Variants in PITPNA observed in about 807,000 individuals in gnomAD.
The protein encoded by PITPNA is phosphatidylinositol transfer protein alpha isoform.
Under a neutral mutation model 50.3 loss-of-function variants are expected in PITPNA, and 13 were observed. That is an observed-to-expected ratio of 0.26 (90% confidence interval 0.17 to 0.41). The LOEUF is 0.41. PITPNA is among the 10% of genes least tolerant of loss of function. PITPNA has a pLI of 1.00. For synonymous variants in PITPNA, 120 were observed against 119.6 expected, an observed-to-expected ratio of 1.00 and a Z score of -0.02; for missense variants, 207 against 333.4, an observed-to-expected ratio of 0.62 and a Z score of 2.95.
intron 10 of PITPNA, among the ~76,000 whole-genome samples, chr17:1,529,028 C>T (rs1434298054): frequency 3.3e-5 from 5 of 150,822 alleles, no homozygotes; most frequent in African/African-American, 7.3e-5. Flanking sequence ...ATCCCAGCTA[C>T]TTGGGAGGCT....
intron 10 of PITPNA, among the ~76,000 whole-genome samples, chr17:1,532,458 A>G (rs187133528): frequency 6.6e-6 from 1 of 152,194 alleles, no homozygotes; most frequent in Non-Finnish European, 1.5e-5. Flanking sequence ...CAAAGTTTGG[A>G]TCTGAACAAA....
chr17:1,557,285 G>C (rs2075740033), intron 2 of PITPNA, among the ~76,000 whole-genome samples: 1 of 152,208 alleles, frequency 6.6e-6, no homozygotes. Context: ...CCCTCTCGGG[G>C]GCCAACAAGC....
At position 1,518,032 on chromosome 17, in the gene PITPNA, C is replaced by T. The variant is rs2075477231; in HGVS notation, c.*2529G>A. ...TAGACTGCTTTTTTTCTCAATATAC[C>T]TGTATTGGAAGATTGAGACAAAAAG... On this transcript the variant is annotated 3_prime_UTR_variant, in exon 12 of 12. Transcript: ENST00000313486. 6.6e-6 allele frequency: 1 copy of T among 152,530 alleles called. No individual in the cohort carries two copies. The highest frequency in any genetic ancestry group is 1.5e-5 in the Non-Finnish European group (1 of 68,024). The allele number at this position is 152,530 out of a possible 1,614,324, so 9.4% of individuals were successfully genotyped here.
chr17:1,558,702 C>G, intron 1 of PITPNA, 143 bp from the exon 2 acceptor site: 1 of 639,440 alleles, frequency 1.6e-6, no homozygotes, highest in Non-Finnish European at 2.9e-6. Context: ...GAGAATGGCC[C>G]TTTGAGTGCT....
At chr17:1,540,531 G>A (rs1268409726) in intron 6 of PITPNA, among the ~76,000 whole-genome samples, 2 of 151,820 alleles carry the variant, frequency 1.3e-5, no homozygotes, top group African/African-American at 4.8e-5. Flanking sequence ...CTGCAAGGAT[G>A]TCACTATTTG....
At position 1,549,894 on chromosome 17, in the gene PITPNA, C is replaced by T. The variant is rs190699844; in HGVS notation, c.198-1507G>A. Among the ~76,000 whole-genome samples the T allele has an allele frequency of 5.5e-3, 833 of 152,144 alleles. 5 individuals are homozygous for T. Among genetic ancestry groups the T allele is most frequent in the Non-Finnish European group, 8.8e-3 (596 of 67,998 alleles). On this transcript the variant is annotated intron_variant, in intron 3 of 11. Transcript: ENST00000313486. ...TTTGTCATGTAGGCCAGGCTGGTCT[C>T]GAACTCCTGACCTCGGGCAATCTGC...
At chr17:1,560,883 G>A (rs889591945) in intron 1 of PITPNA, among the ~76,000 whole-genome samples, 5 of 152,312 alleles carry the variant, frequency 3.3e-5, no homozygotes, top group South Asian at 2.1e-4. Context: ...TAGCTGGGAT[G>A]ACATGTGGGT....
intron 10 of PITPNA, among the ~76,000 whole-genome samples, chr17:1,528,779 A>G (rs1232441257): frequency 1.3e-5 from 2 of 151,896 alleles, no homozygotes; most frequent in Non-Finnish European, 2.9e-5. Context: ...TACTTCCATA[A>G]TTGGGGATGT....
chr17:1,538,945 T>C lies in PITPNA; in HGVS notation c.380A>G (p.Lys127Arg). Residue 127 changes from lysine (K) to arginine (R), a missense_variant, in exon 7 of 12, where the codon AAG (lysine) becomes AGG (arginine). Physicochemically the swap from Lys to Arg is conservative, Grantham distance 26. Transcript: ENST00000313486. ...GTGTTTCCACGCCTCAGGCTCCAGC[T>C]TATGCACCTGTGGGAACAAGTGGGG... ...PDLGTQENVH[K>R]LEPEAWKHVE... 5 of 1,612,608 alleles carry C rather than the reference T, an allele frequency of 3.1e-6. No individual in the cohort carries two copies. The highest frequency in any genetic ancestry group is 4.2e-6 in the Non-Finnish European group (5 of 1,178,670).
At chr17:1,527,117 C>A (rs1388459108) in intron 10 of PITPNA, among the ~76,000 whole-genome samples, 1 of 152,080 alleles carries the variant, frequency 6.6e-6, no homozygotes, top group Admixed American at 6.6e-5. Flanking sequence ...GGGGCCTACA[C>A]GACATGAGAG....
At chr17:1,525,004 T>G (rs1273842364) in intron 10 of PITPNA, among the ~76,000 whole-genome samples, 4 of 151,912 alleles carry the variant, frequency 2.6e-5, no homozygotes, top group Non-Finnish European at 1.5e-5. Context: ...TTATTATTGT[T>G]TTTGAGACAG....
rs370896431 is a variant in PITPNA at position 1,562,038 on chromosome 17, G to A, written c.20+503C>T. ...AGCCCGCGCCCTCGGCCCGCGCAGAGCGACCCCACAGCACTCCCAGCGCTC... is the reference window on the plus strand; with the variant it reads ...AGCCCGCGCCCTCGGCCCGCGCAGAACGACCCCACAGCACTCCCAGCGCTC... On this transcript the variant is annotated intron_variant, in intron 1 of 11. Coordinates refer to ENST00000313486, the MANE Select transcript of PITPNA (RefSeq NM_006224.4). This position sits in a 1 kb window ranked among gnomAD's most constrained non-coding sequence, Gnocchi z 6.4. Among the ~76,000 whole-genome samples, 1 of 151,952 alleles carries A rather than the reference G, an allele frequency of 6.6e-6. No homozygotes were observed.
rs1293786152 is a variant in PITPNA at position 1,562,079 on chromosome 17, T to C, written c.20+462A>G. 6.6e-6 allele frequency among the ~76,000 whole-genome samples: 1 copy of C among 151,528 alleles called. No individual in the cohort carries two copies. The highest frequency in any genetic ancestry group is 1.5e-5 in the Non-Finnish European group (1 of 67,872). On this transcript the variant is annotated intron_variant, in intron 1 of 11. Coordinates refer to ENST00000313486, the MANE Select transcript of PITPNA (RefSeq NM_006224.4). The surrounding 1 kb of genome is among the most constrained non-coding windows in gnomAD (Gnocchi z 6.4). ...CCCAGCGCTCGGCGTCCCCTCGGCC[T>C]CCCCCAGTCCCGGGCCAGCTCTCCC...
In PITPNA at chr17:1,562,045, C is replaced by T. The variant is rs2075771172; in HGVS notation, c.20+496G>A. Among the ~76,000 whole-genome samples the T allele has an allele frequency of 6.6e-6, 1 of 152,232 alleles. No individual in the cohort carries two copies. The highest frequency in any genetic ancestry group is 2.1e-4 in the South Asian group (1 of 4,824). ...GCCCTCGGCCCGCGCAGAGCGACCC[C>T]ACAGCACTCCCAGCGCTCGGCGTCC... On this transcript the variant is annotated intron_variant, in intron 1 of 11. Transcript: ENST00000313486. This position sits in a 1 kb window ranked among gnomAD's most constrained non-coding sequence, Gnocchi z 6.4.
rs189790473 is a variant in PITPNA at position 1,538,935 on chromosome 17, A to C, written c.390T>G (p.Pro130=). The C allele has an allele frequency of 1.9e-5, 31 of 1,613,320 alleles. No individual in the cohort carries two copies. The African/African-American group carries it at 3.9e-4, about 20-fold the overall frequency. The change falls in exon 7 of 12, where the codon CCT becomes CCG. Residue 130 remains proline (P), a synonymous_variant. Transcript: ENST00000313486. ...GTQENVHKLE[P]EAWKHVEAVY... ...CGGCTTCCACGTGTTTCCACGCCTC[A>C]GGCTCCAGCTTATGCACCTGTGGGA...
intron 10 of PITPNA, among the ~76,000 whole-genome samples, chr17:1,530,979 T>C (rs1367977155): frequency 6.6e-6 from 1 of 151,922 alleles, no homozygotes; most frequent in Non-Finnish European, 1.5e-5. Flanking sequence ...AAAGTCCAAA[T>C]GGAGAACGGT....
chr17:1,532,567 C>T (rs1411805267), intron 10 of PITPNA, among the ~76,000 whole-genome samples: 3 of 152,214 alleles, frequency 2.0e-5, no homozygotes, highest in Non-Finnish European at 4.4e-5. Flanking sequence ...CCACGAACCC[C>T]AACATACGTC....
chr17:1,548,661 G>A (rs2075691552), intron 3 of PITPNA, among the ~76,000 whole-genome samples: 1 of 152,100 alleles, frequency 6.6e-6, no homozygotes, highest in African/African-American at 2.4e-5. Flanking sequence ...CCTTCCATCA[G>A]CATTACACAT....
intron 6 of PITPNA, among the ~76,000 whole-genome samples, chr17:1,541,315 A>G (rs557517867): frequency 6.6e-6 from 1 of 152,306 alleles, no homozygotes; most frequent in African/African-American, 2.4e-5. Context: ...TTTTAAAGAT[A>G]TAGCTCCCAT....
Sources: gnomAD v4.1 joint callset for allele counts (sites outside exome capture counted in the v4.1 genomes callset) on GRCh38, gnomAD v4.1.1 for gene constraint, Gnocchi (gnomAD v3.1) non-coding constraint, MANE v1.5 for transcripts, NCBI Gene and HGNC (gene_info 2026-07-23, HGNC 2026-07-21) for gene names.